The following SETD6 variants were observed in gnomAD, a reference collection of about 807,000 sequenced individuals.
SETD6 encodes the protein N-lysine methyltransferase SETD6.
SETD6 carries 67 observed loss-of-function variants against 52.7 expected under a neutral mutation model. The ratio of observed to expected loss-of-function variants is 1.27; its 90% CI spans 1.04 to 1.56. The LOEUF is 1.56. Among genes scored for constraint, SETD6 ranks in the 40% most tolerant of loss-of-function variants. SETD6 has a pLI of 0.00. For missense variants in SETD6, 712 were observed against 607.5 expected, an observed-to-expected ratio of 1.17 and a Z score of -1.81; for synonymous variants, 307 against 250.2, an observed-to-expected ratio of 1.23 and a Z score of -2.14.
rs762430828 is a variant in SETD6, at chr16:58,521,816, G to A, written c.*2787G>A. On this transcript the variant is annotated 3_prime_UTR_variant, in exon 8 of 8. Coordinates refer to ENST00000219315, the MANE Select transcript of SETD6 (RefSeq NM_001160305.4). The stretch of plus-strand genomic sequence containing the variant: ...CAAATATAAAAATTAGTCAGACATG[G>A]TGGCCACATGCCTGTAATCCCAGCA... Among the ~76,000 whole-genome samples the A allele has an allele frequency of 2.9e-4, 44 of 151,952 alleles. No individual in the cohort carries two copies. The highest frequency in any genetic ancestry group is 5.7e-4 in the Non-Finnish European group (39 of 68,010).
At position 58,519,009 on chromosome 16, in the gene SETD6, T is replaced by C. The variant is rs1260337900; in HGVS notation, c.1402T>C (p.Leu468=). 6.2e-7 allele frequency: 1 copy of C among 1,612,186 alleles called. No homozygotes were observed. Among genetic ancestry groups the C allele is most frequent in the Non-Finnish European group, 8.5e-7 (1 of 1,178,784 alleles). ...RYGQKMILHQ[L]LELTS The stretch of plus-strand genomic sequence containing the variant: ...TGGTCAGAAGATGATCTTACATCAG[T>C]TGTTGGAGCTGACAAGTTAGCAGTT... The change falls in exon 8 of 8, where the codon TTG becomes CTG. Residue 468 remains leucine (L), a synonymous_variant. Transcript: ENST00000219315.
chr16:58,516,250 C>T lies in SETD6; in HGVS notation c.383C>T (p.Ala128Val). The T allele has an allele frequency of 1.3e-6, 2 of 1,599,404 alleles. No homozygotes were observed. The highest frequency in any genetic ancestry group is 1.1e-5 in the South Asian group (1 of 90,978). Residue 128 changes from alanine (A) to valine (V), a missense_variant, in exon 3 of 8, where the codon GCG (alanine) becomes GTG (valine). By Grantham distance (64) the Ala-to-Val change is moderately conservative. Transcript: ENST00000219315. ...TCGGGCTGGGTGCCACTGCTGCTGGCGCTGCTCCACGAGCTGCAGGCCCCG... is the reference window on the plus strand; with the variant it reads ...TCGGGCTGGGTGCCACTGCTGCTGGTGCTGCTCCACGAGCTGCAGGCCCCG... ...SQSGWVPLLLALLHELQAPAS... is the reference protein window; with the variant it reads ...SQSGWVPLLLVLLHELQAPAS...
rs200707564 is a variant in SETD6 at position 58,523,363 on chromosome 16, C to A, written c.*4334C>A. 6.4e-7 allele frequency: 1 copy of A among 1,566,758 alleles called. No individual in the cohort carries two copies. Among genetic ancestry groups the A allele is most frequent in the East Asian group, 2.3e-5 (1 of 44,264 alleles). The stretch of plus-strand genomic sequence containing the variant: ...TGAAGCATTTAAAAAATAAGCTGCT[C>A]GCTTACCTTGTGATCTGTTCTTGGA... On this transcript the variant is annotated 3_prime_UTR_variant, in exon 8 of 8. Transcript: ENST00000219315.
rs749447760 is a variant in SETD6 at position 58,520,953 on chromosome 16, T to A, written c.*1924T>A. On this transcript the variant is annotated 3_prime_UTR_variant, in exon 8 of 8. Transcript: ENST00000219315. ...CTGACACGTACAACAGAGATGCAGT[T>A]TCGTCTAACTGGCACCTGTCCCTTC... 3 of 1,612,962 alleles carry A rather than the reference T, an allele frequency of 1.9e-6. No homozygotes were observed. The highest frequency in any genetic ancestry group is 2.5e-6 in the Non-Finnish European group (3 of 1,179,986).
In SETD6 at chr16:58,520,759, A is replaced by G. The variant is rs945184654; in HGVS notation, c.*1730A>G. 6 of 587,286 alleles carry G rather than the reference A, an allele frequency of 1.0e-5. No individual in the cohort carries two copies. Among genetic ancestry groups the G allele is most frequent in the African/African-American group, 9.3e-5 (5 of 53,736 alleles). 36.4% of individuals were successfully genotyped at this position (587,286 alleles called of 1,614,324 possible). ...TCACAGCATCTTCTAAATTTTGGCCAAGAGTCAAAAAAATGCATTTAAACT... is the reference window on the plus strand; with the variant it reads ...TCACAGCATCTTCTAAATTTTGGCCGAGAGTCAAAAAAATGCATTTAAACT... On this transcript the variant is annotated 3_prime_UTR_variant, in exon 8 of 8. Coordinates refer to ENST00000219315, the MANE Select transcript of SETD6 (RefSeq NM_001160305.4).
At position 58,520,070 on chromosome 16, in the gene SETD6, T is replaced by G. The variant is rs2039311592; in HGVS notation, c.*1041T>G. ...AGGGACCAATACATTTGCAAAACAT[T>G]CAAAATCCTTATAAAAGGGGCTGTA... On this transcript the variant is annotated 3_prime_UTR_variant, in exon 8 of 8. Transcript: ENST00000219315. 1 of 152,202 alleles carries G rather than the reference T, an allele frequency of 6.6e-6. No individual in the cohort carries two copies. Among genetic ancestry groups the G allele is most frequent in the South Asian group, 2.1e-4 (1 of 4,828 alleles). The allele number at this position is 152,202 out of a possible 1,614,324, so 9.4% of individuals were successfully genotyped here.
At position 58,516,040 on chromosome 16, in the gene SETD6, C is replaced by A. The variant is rs749462801; in HGVS notation, c.277C>A (p.Pro93Thr). ...VQAGELLFVV[P>T]RAALLSQHTC... is the part of the protein sequence containing the mutation. ...GGCCGGAGAGCTGTTGTTCGTGGTG[C>A]CGCGGGCCGCGCTCCTGTCGCAGCA... The change falls in exon 2 of 8, where the codon CCG (proline) becomes ACG (threonine). Residue 93 changes from proline (P) to threonine (T), a missense_variant. Transcript: ENST00000219315. The A allele has an allele frequency of 6.6e-7, 1 of 1,517,270 alleles. No individual in the cohort carries two copies. The highest frequency in any genetic ancestry group is 1.2e-5 in the South Asian group (1 of 80,806). 94.0% of individuals were successfully genotyped at this position (1,517,270 alleles called of 1,614,324 possible). A position where few individuals can be genotyped will look rare whatever the true frequency, so the allele number is the denominator to read the frequency against.
Position 58,516,022 on chromosome 16 carries a change from G to C in SETD6, c.259G>C (p.Glu87Gln), listed in dbSNP as rs1460770136. 6.5e-7 allele frequency: 1 copy of C among 1,538,986 alleles called. No homozygotes were observed. Among genetic ancestry groups the C allele is most frequent in the African/African-American group, 1.4e-5 (1 of 70,386 alleles). ...GGCCCGGGAGAGCGTGCAGGCCGGAGAGCTGTTGTTCGTGGTGCCGCGGGC... is the reference window on the plus strand; with the variant it reads ...GGCCCGGGAGAGCGTGCAGGCCGGACAGCTGTTGTTCGTGGTGCCGCGGGC... ...MVARESVQAG[E>Q]LLFVVPRAAL... Residue 87 changes from glutamate (E) to glutamine (Q), a missense_variant, in exon 2 of 8, where the codon GAG becomes CAG. Physicochemically the swap from Glu to Gln is conservative, Grantham distance 29. Coordinates refer to ENST00000219315, the MANE Select transcript of SETD6 (RefSeq NM_001160305.4).
rs925311306 is a variant in SETD6, at chr16:58,522,108, G to T, written c.*3079G>T. Among the ~76,000 whole-genome samples, 2 of 149,252 alleles carry T rather than the reference G, an allele frequency of 1.3e-5. No homozygotes were observed. Among genetic ancestry groups the T allele is most frequent in the Middle Eastern group, 3.6e-3 (1 of 274 alleles). On this transcript the variant is annotated 3_prime_UTR_variant, in exon 8 of 8. Transcript: ENST00000219315. ...GCCAAGACGGGTGGATCACGAGGTC[G>T]GGAGTTCAAGACCAGCCTGGCCAAG...
intron 2 of SETD6, 51 bp downstream of exon 2, chr16:58,516,148 G>GCGGGGCGGGT (rs752428410): frequency 1.2e-5 from 14 of 1,183,720 alleles, no homozygotes; most frequent in South Asian, 5.3e-5. Flanking sequence ...GCGGGGCGGG[G>GCGGGGCGGGT]CGGGCCCGGC....
Position 58,518,563 on chromosome 16 carries a change from C to T in SETD6, c.1116+20C>T. Reference sequence around the variant, plus strand: ...CTAAAGGTAAACGGCTGAAAATGGCCATTTAATGCTGATAATCTAAGTATT... The same window carrying T: ...CTAAAGGTAAACGGCTGAAAATGGCTATTTAATGCTGATAATCTAAGTATT... On this transcript the variant is annotated intron_variant, in intron 7 of 7. Transcript: ENST00000219315. 1 of 1,593,626 alleles carries T rather than the reference C, an allele frequency of 6.3e-7. No individual in the cohort carries two copies. Among genetic ancestry groups the T allele is most frequent in the Non-Finnish European group, 8.5e-7 (1 of 1,175,460 alleles).
Position 58,518,213 on chromosome 16 carries a change from C to G in SETD6, c.955C>G (p.Arg319Gly). ...AGCTGACATTCAGATGGTGACAGTTCGTGAGGCAGCATTACAGGGTGAGTG... is the reference window on the plus strand; with the variant it reads ...AGCTGACATTCAGATGGTGACAGTTGGTGAGGCAGCATTACAGGGTGAGTG... Reference protein sequence around the residue: ...DTADIQMVTVREAALQGTKTE... With the variant: ...DTADIQMVTVGEAALQGTKTE... Residue 319 changes from arginine to glycine, a missense_variant, in exon 6 of 8, where the codon CGT becomes GGT. By Grantham distance (125) the Arg-to-Gly change is moderately radical. Coordinates refer to ENST00000219315, the MANE Select transcript of SETD6 (RefSeq NM_001160305.4). 1 of 1,614,206 alleles carries G rather than the reference C, an allele frequency of 6.2e-7. No individual in the cohort carries two copies. Among genetic ancestry groups the G allele is most frequent in the Non-Finnish European group, 8.5e-7 (1 of 1,180,052 alleles).
rs746604770 is a variant in SETD6 at position 58,516,353 on chromosome 16, T to A, written c.476+10T>A. ...AGCACCCGATGTTCTGGTGAGAGCC[T>A]TGGGAGGGGTTGGGGAGCGCCTGCA... On this transcript the variant is annotated intron_variant, in intron 3 of 7. Transcript: ENST00000219315. The A allele has an allele frequency of 6.2e-7, 1 of 1,609,922 alleles. No individual in the cohort carries two copies. Among genetic ancestry groups the A allele is most frequent in the South Asian group, 1.1e-5 (1 of 91,048 alleles).
intron 1 of SETD6, 84 bp from the exon 2 acceptor site, chr16:58,515,707 G>A: frequency 2.1e-6 from 3 of 1,402,738 alleles, no homozygotes; most frequent in Non-Finnish European, 2.8e-6. Flanking sequence ...CCCAAAGCCC[G>A]TTCTGCGCTC....
chr16:58,522,219 G>A lies in SETD6; in HGVS notation c.*3190G>A, dbSNP rs569974756. Among the ~76,000 whole-genome samples, 24 of 114,036 alleles carry A rather than the reference G, an allele frequency of 2.1e-4. No homozygotes were observed. Among genetic ancestry groups the A allele is most frequent in the East Asian group, 1.2e-3 (5 of 4,038 alleles). The allele number at this position is 114,036 out of a possible 152,430, so 74.8% of individuals were successfully genotyped here. On this transcript the variant is annotated 3_prime_UTR_variant, in exon 8 of 8. Transcript: ENST00000219315. ...CTGTAATCCCAGCTACTCAGGAGGC[G>A]ACAAAGCGAGACTGTCTCAAAAAAA... is the stretch of plus-strand genomic sequence containing the variant.
chr16:58,516,878 GACATACTAA>G lies in SETD6; in HGVS notation c.745_753del (p.Ile249_Asn251del), dbSNP rs768248041. On this transcript the variant is annotated inframe_deletion, in exon 5 of 8. Coordinates refer to ENST00000219315, the MANE Select transcript of SETD6 (RefSeq NM_001160305.4). ...CTCCCCCGTGATGGTGCCTGCTGCAGACATACTAAACCACTTAGCCAATCACAACGCCAA... is the reference window on the plus strand; with the variant it reads ...CTCCCCCGTGATGGTGCCTGCTGCAGACCACTTAGCCAATCACAACGCCAA... 3 of 1,614,174 alleles carry G rather than the reference GACATACTAA, an allele frequency of 1.9e-6. No homozygotes were observed. Among genetic ancestry groups the G allele is most frequent in the Middle Eastern group, 1.6e-4 (1 of 6,062 alleles).
At chr16:58,516,159 C>T (rs1162396895) in intron 2 of SETD6, 43 bp from the exon 3 acceptor site, 1 of 1,377,206 alleles carries the variant, frequency 7.3e-7, no homozygotes, top group African/African-American at 1.5e-5. Flanking sequence ...CGGGCCCGGC[C>T]CGCGAGGCCG....
At chr16:58,518,665 G>A (rs2151881296) in intron 7 of SETD6, 59 bp from the exon 8 acceptor site, 2 of 1,594,904 alleles carry the variant, frequency 1.3e-6, no homozygotes, top group Non-Finnish European at 1.7e-6. Flanking sequence ...AGTCTCCTGA[G>A]TCATTTCAGA....
rs56149974 is a variant in SETD6, at chr16:58,522,237, C to CAAAAAAAAAAAAAAAAAAAA, written c.*3219_*3238dup. On this transcript the variant is annotated 3_prime_UTR_variant, in exon 8 of 8. Coordinates refer to ENST00000219315, the MANE Select transcript of SETD6 (RefSeq NM_001160305.4). ...AGGAGGCGACAAAGCGAGACTGTCT[C>CAAAAAAAAAAAAAAAAAAAA]AAAAAAAAAAAAAAAAAAAAAAAAA... Among the ~76,000 whole-genome samples, 1 of 98,556 alleles carries CAAAAAAAAAAAAAAAAAAAA rather than the reference C, an allele frequency of 1.0e-5. No homozygotes were observed. Among genetic ancestry groups the CAAAAAAAAAAAAAAAAAAAA allele is most frequent in the African/African-American group, 4.2e-5 (1 of 23,600 alleles). The allele number at this position is 98,556 out of a possible 152,430, so 64.7% of individuals were successfully genotyped here.
Sources: gnomAD v4.1 joint callset for allele counts (sites outside exome capture counted in the v4.1 genomes callset) on GRCh38, gnomAD v4.1.1 for gene constraint, MANE v1.5 for transcripts, NCBI Gene and HGNC (gene_info 2026-07-23, HGNC 2026-07-21) for gene names.